The following GPC3 variants were observed in gnomAD, a reference collection of about 807,000 sequenced individuals.
GPC3 encodes the protein glypican 3, also known as glypican-3.
GPC3 carries 3 observed loss-of-function variants against 34.4 expected under a neutral mutation model. The ratio of observed to expected loss-of-function variants is 0.09; its 90% CI spans 0.04 to 0.23. GPC3 has a LOEUF of 0.23. GPC3 is among the 10% of genes least tolerant of loss of function. The pLI is 1.00. For synonymous variants in GPC3, 177 were observed against 174.0 expected (o/e 1.02, Z -0.13); for missense variants, 351 against 445.6 (o/e 0.79, Z 1.91).
intron 2 of GPC3, among the ~76,000 whole-genome samples, chrX:133,761,875 C>T (rs891214338): frequency 2.8e-4 from 31 of 111,819 alleles, no homozygotes; most frequent in Admixed American, 2.1e-3. Flanking sequence ...TACTAGAACG[C>T]TTAGGGCCAA....
At chrX:133,927,865 CATATATATATATT>C (rs1006019494) in intron 2 of GPC3, among the ~76,000 whole-genome samples, 67 of 106,120 alleles carry the variant, frequency 6.3e-4, no homozygotes, top group Non-Finnish European at 1.1e-3. Flanking sequence ...AATAAATATA[CATATATATATATT>C]ATATATATAT....
intron 7 of GPC3, among the ~76,000 whole-genome samples, chrX:133,592,455 G>A (rs2069862620): frequency 9.1e-6 from 1 of 109,291 alleles, no homozygotes; most frequent in East Asian, 2.9e-4. Context: ...AATGATATGA[G>A]ACAATGCATG....
intron 2 of GPC3, among the ~76,000 whole-genome samples, chrX:133,784,331 C>G (rs1021600222): frequency 8.9e-6 from 1 of 111,745 alleles, no homozygotes; most frequent in Non-Finnish European, 1.9e-5. Context: ...CACATTTCTC[C>G]TAAAGGGGAA....
chrX:133,731,476 T>C (rs186362985), intron 3 of GPC3, among the ~76,000 whole-genome samples: 10 of 111,681 alleles, frequency 9.0e-5, no homozygotes, highest in African/African-American at 2.6e-4. Flanking sequence ...AAAATACCCA[T>C]TTAGTATTTG....
At chrX:133,804,005 C>G (rs1333347448) in intron 2 of GPC3, among the ~76,000 whole-genome samples, 6 of 110,160 alleles carry the variant, frequency 5.4e-5, no homozygotes, top group Non-Finnish European at 1.1e-4. Context: ...CACACACACA[C>G]ACACACAGAC....
At chrX:133,768,552 A>C (rs1318833652) in intron 2 of GPC3, among the ~76,000 whole-genome samples, 1 of 111,547 alleles carries the variant, frequency 9.0e-6, no homozygotes, top group Non-Finnish European at 1.9e-5. Flanking sequence ...GTAGAAAAAG[A>C]GATACCCACA....
chrX:133,870,390 C>T (rs1394107905), intron 2 of GPC3, among the ~76,000 whole-genome samples: 4 of 111,425 alleles, frequency 3.6e-5, no homozygotes, highest in Non-Finnish European at 5.6e-5. Flanking sequence ...GAGAAAGTAA[C>T]GTAATTTTGC....
intron 2 of GPC3, among the ~76,000 whole-genome samples, chrX:133,765,394 T>C (rs2071835667): frequency 8.9e-6 from 1 of 112,141 alleles, no homozygotes; most frequent in South Asian, 3.7e-4. Flanking sequence ...AAATAGGCTT[T>C]TGAGTAAGTA....
chrX:133,859,247 C>T (rs2075923847), intron 2 of GPC3, among the ~76,000 whole-genome samples: 1 of 110,975 alleles, frequency 9.0e-6, no homozygotes. Context: ...TACCCAGAAG[C>T]CCTCATCCTC....
At chrX:133,608,523 G>A (rs1041570183) in intron 6 of GPC3, among the ~76,000 whole-genome samples, 1 of 112,077 alleles carries the variant, frequency 8.9e-6, no homozygotes, top group Non-Finnish European at 1.9e-5. Context: ...TTGTCCAAAT[G>A]CATAAATGTG....
chrX:133,565,899 C>G (rs1031540686), intron 7 of GPC3, among the ~76,000 whole-genome samples: 1 of 112,370 alleles, frequency 8.9e-6, no homozygotes, highest in Non-Finnish European at 1.9e-5. Context: ...CACTTGCCAG[C>G]AGTAAGACTT....
chrX:133,727,284 G>T lies in GPC3; in HGVS notation c.1032+26198C>A, dbSNP rs767423643. ...ATGTGGGCTGTGTGCGGTGGCTCAC[G>T]CCTGTAATCCTAGCACTTCGGGAGG... On this transcript the variant is annotated intron_variant, in intron 3 of 7. Transcript: ENST00000370818. Among the ~76,000 whole-genome samples, 26 of 111,365 alleles carry T rather than the reference G, an allele frequency of 2.3e-4. No homozygotes were observed. The South Asian group carries it at 3.9e-3, about 17-fold the overall frequency.
intron 3 of GPC3, among the ~76,000 whole-genome samples, chrX:133,723,455 G>A (rs1047451101): frequency 3.6e-5 from 4 of 111,985 alleles, no homozygotes; most frequent in African/African-American, 1.3e-4. Context: ...TGTATTATCT[G>A]TGCTCCTCGC....
intron 7 of GPC3, among the ~76,000 whole-genome samples, chrX:133,543,804 T>C (rs1409094401): frequency 1.8e-5 from 2 of 112,012 alleles, no homozygotes; most frequent in Non-Finnish European, 3.8e-5. Flanking sequence ...GGAGCAGAAA[T>C]GTATTAGTTG....
At chrX:133,701,369 A>G (rs945114699) in intron 3 of GPC3, among the ~76,000 whole-genome samples, 2 of 112,081 alleles carry the variant, frequency 1.8e-5, no homozygotes, top group Non-Finnish European at 3.8e-5. Flanking sequence ...ATGAGGCAGA[A>G]AAACAGTGGA....
At chrX:133,885,228 T>C (rs761950801) in intron 2 of GPC3, among the ~76,000 whole-genome samples, 2 of 112,078 alleles carry the variant, frequency 1.8e-5, no homozygotes, top group African/African-American at 6.5e-5. Context: ...CAGCACTGGG[T>C]TACTTGTCAT....
chrX:133,834,401 C>G (rs904293497), intron 2 of GPC3, among the ~76,000 whole-genome samples: 2 of 111,719 alleles, frequency 1.8e-5, no homozygotes, highest in African/African-American at 6.5e-5. Context: ...AAGTGTCTGT[C>G]CAGGCTGTGG....
chrX:133,939,979 T>C (rs970252180), intron 2 of GPC3, among the ~76,000 whole-genome samples: 1 of 111,176 alleles, frequency 9.0e-6, no homozygotes, highest in Non-Finnish European at 1.9e-5. Context: ...AAATTAAATG[T>C]AGTGCAAAAT....
intron 2 of GPC3, among the ~76,000 whole-genome samples, chrX:133,877,702 TTACTC>T (rs912191348): frequency 4.5e-5 from 5 of 111,952 alleles, no homozygotes; most frequent in African/African-American, 6.5e-5. Context: ...TCAAAACAAA[TTACTC>T]TATATTCATG....
Sources: gnomAD v4.1 joint callset for allele counts (sites outside exome capture counted in the v4.1 genomes callset) on GRCh38, gnomAD v4.1.1 for gene constraint, MANE v1.5 for transcripts, NCBI Gene and HGNC (gene_info 2026-07-23, HGNC 2026-07-21) for gene names.